PDGFRB: variants seen among roughly 807,000 people sequenced by gnomAD.
The protein encoded by PDGFRB is platelet derived growth factor receptor beta, also known as platelet-derived growth factor receptor beta.
In PDGFRB, 42 loss-of-function variants were observed where a neutral mutation model predicts 120.2. The ratio of observed to expected loss-of-function variants is 0.35; its 90% CI spans 0.27 to 0.45. PDGFRB has a LOEUF of 0.45. Ranked by LOEUF, PDGFRB falls within the 20% of genes least tolerant of loss-of-function variation. PDGFRB has a pLI of 1.00. For synonymous variants in PDGFRB, 586 were observed against 606.8 expected, an observed-to-expected ratio of 0.97 and a Z score of 0.50; for missense variants, 1,149 against 1,476.3, an observed-to-expected ratio of 0.78 and a Z score of 3.63.
At chr5:150,124,526 G>C (rs2113895538) in intron 13 of PDGFRB, 166 bp from the exon 14 acceptor site, 1 of 633,032 alleles carries the variant, frequency 1.6e-6, no homozygotes, top group East Asian at 2.7e-5. Context: ...GCCAGGGTAG[G>C]GGGAAGCAGG....
chr5:150,134,249 A>G lies in PDGFRB; in HGVS notation c.632-241T>C, dbSNP rs928809961. On this transcript the variant is annotated intron_variant, in intron 4 of 22. Transcript: ENST00000261799. The stretch of plus-strand genomic sequence containing the variant: ...ATGGAGCTGACGTTCTAGAAGGGAT[A>G]ACAGTCTGGAAATCAAAGTACCCTC... The G allele has an allele frequency of 4.8e-5, 27 of 565,474 alleles. No individual in the cohort carries two copies. In the Admixed American group the frequency reaches 5.7e-4, roughly 12 times the overall value. 35.0% of individuals were successfully genotyped at this position (565,474 alleles called of 1,614,324 possible).
intron 9 of PDGFRB, 127 bp downstream of exon 9, chr5:150,130,411 TG>T: frequency 1.2e-6 from 1 of 855,328 alleles, no homozygotes; most frequent in Non-Finnish European, 1.9e-6. Context: ...GGTGGTGACC[TG>T]GCCTCCTAGG....
At chr5:150,143,714 G>C (rs1760841646) in intron 1 of PDGFRB, among the ~76,000 whole-genome samples, 1 of 152,186 alleles carries the variant, frequency 6.6e-6, no homozygotes, top group Non-Finnish European at 1.5e-5. Context: ...AGCCAGAGAA[G>C]AGAGCAGGAT....
rs1760083650 is a variant in PDGFRB at position 150,120,095 on chromosome 5, G to A, written c.2615C>T (p.Pro872Leu). The change falls in exon 19 of 23, where the codon CCG becomes CTG. Residue 872 changes from proline to leucine, a missense_variant. This residue lies in a region of PDGFRB where 68 missense variants were observed against 153.3 expected (regional missense o/e 0.44). Coordinates refer to ENST00000261799, the MANE Select transcript of PDGFRB (RefSeq NM_002609.4). This position sits in a 1 kb window ranked among gnomAD's most constrained non-coding sequence, Gnocchi z 4.3. ...GTAGAGGCTGTTGAAGATGCTCTCC[G>A]GAGCCATCCACTTTAAAGGCAAAAA... ...STFLPLKWMAPESIFNSLYTT... is the reference protein window; with the variant it reads ...STFLPLKWMALESIFNSLYTT... The A allele has an allele frequency of 3.8e-6, 6 of 1,598,336 alleles. No individual in the cohort carries two copies. The highest frequency in any genetic ancestry group is 1.7e-5 in the Admixed American group (1 of 59,988).
chr5:150,127,555 G>T (rs1046620498), intron 10 of PDGFRB, among the ~76,000 whole-genome samples: 1 of 152,214 alleles, frequency 6.6e-6, no homozygotes, highest in Non-Finnish European at 1.5e-5. Flanking sequence ...TTGGATGGAG[G>T]CTGGGTGCAG....
Position 150,131,998 on chromosome 5 carries a change from G to C in PDGFRB, c.1224C>G (p.Ser408=). ...CATCACCATTGATCTGTAGCTGGAAGGAGAGCTGGACCTCAGCATCCTCAT... is the reference window on the plus strand; with the variant it reads ...CATCACCATTGATCTGTAGCTGGAACGAGAGCTGGACCTCAGCATCCTCAT... ...AFHEDAEVQL[S]FQLQINVPVR... is the part of the protein sequence containing the mutation. Residue 408 remains serine (S), a synonymous_variant, in exon 8 of 23, where the codon TCC becomes TCG. Coordinates refer to ENST00000261799, the MANE Select transcript of PDGFRB (RefSeq NM_002609.4). 1 of 1,589,550 alleles carries C rather than the reference G, an allele frequency of 6.3e-7. No individual in the cohort carries two copies.
chr5:150,115,832 T>C lies in PDGFRB; in HGVS notation c.3252A>G (p.Pro1084=), dbSNP rs246388. The C allele has an allele frequency of 0.4, 645,374 of 1,611,204 alleles. 134,319 individuals carry two copies. The highest frequency in any genetic ancestry group is 0.45 in the Middle Eastern group (2,681 of 5,906). ...PQLELQVEPE[P]ELEQLPDSGC... ...CCGAATCCGGCAACTGTTCCAGCTC[T>C]GGCTCCGGCTCCACCTGGAGCTCAA... is the stretch of plus-strand genomic sequence containing the variant. The change falls in exon 23 of 23, where the codon CCA becomes CCG. Residue 1084 remains proline, a synonymous_variant. Transcript: ENST00000261799.
chr5:150,144,724 G>T (rs1760874460), intron 1 of PDGFRB, among the ~76,000 whole-genome samples: 1 of 152,130 alleles, frequency 6.6e-6, no homozygotes, highest in African/African-American at 2.4e-5. Context: ...AGGGGGCCTG[G>T]GTCCCCAGGA....
chr5:150,134,922 G>A lies in PDGFRB; in HGVS notation c.459C>T (p.Asp153=), dbSNP rs772473894. The change falls in exon 4 of 23, where the codon GAC becomes GAT. Residue 153 remains aspartate (D), a synonymous_variant. Coordinates refer to ENST00000261799, the MANE Select transcript of PDGFRB (RefSeq NM_002609.4). ...TEITIPCRVT[D]PQLVVTLHEK... Reference sequence around the variant, plus strand: ...CGTGCAGTGTCACCACCAGCTGTGGGTCTGTTACTCGGCATGGAATGGTGA... The same window carrying A: ...CGTGCAGTGTCACCACCAGCTGTGGATCTGTTACTCGGCATGGAATGGTGA... 1.2e-6 allele frequency: 2 copies of A among 1,613,674 alleles called. No individual in the cohort carries two copies. Among genetic ancestry groups the A allele is most frequent in the South Asian group, 2.2e-5 (2 of 91,078 alleles).
In PDGFRB at chr5:150,121,215, C is replaced by T. The variant is rs755218503; in HGVS notation, c.2452G>A (p.Ala818Thr). The change falls in exon 17 of 23, where the codon GCC becomes ACC. Residue 818 changes from alanine (A) to threonine (T), a missense_variant. Ala to Thr is a moderately conservative substitution (Grantham distance 58). Coordinates refer to ENST00000261799, the MANE Select transcript of PDGFRB (RefSeq NM_002609.4). The surrounding 1 kb of genome is among the most constrained non-coding windows in gnomAD (Gnocchi z 4.1). The part of the protein sequence containing the change: ...YQVANGMEFL[A>T]SKNCVHRDLA... The stretch of plus-strand genomic sequence containing the variant: ...AACACCACACGTACGTTCTTGGAGG[C>T]CAGAAACTCCATGCCATTGGCCACC... The T allele has an allele frequency of 1.3e-6, 2 of 1,555,996 alleles. No individual in the cohort carries two copies. The highest frequency in any genetic ancestry group is 1.8e-6 in the Non-Finnish European group (2 of 1,126,976).
At chr5:150,122,311 T>C (rs1403578804) in intron 15 of PDGFRB, 1 of 410,818 alleles carries the variant, frequency 2.4e-6, no homozygotes, top group Non-Finnish European at 4.4e-6. Context: ...AAGACGGGTG[T>C]GTTCAGAGGC....
intron 20 of PDGFRB, among the ~76,000 whole-genome samples, 180 bp from the exon 21 acceptor site, chr5:150,119,032 G>A (rs911966450): frequency 2.0e-5 from 3 of 152,172 alleles, no homozygotes; most frequent in East Asian, 1.9e-4. Flanking sequence ...GGAGGCCCTC[G>A]CAGAGCCCCC....
intron 1 of PDGFRB, among the ~76,000 whole-genome samples, chr5:150,137,636 T>C (rs1580812877): frequency 6.6e-6 from 1 of 152,212 alleles, no homozygotes; most frequent in South Asian, 2.1e-4. Flanking sequence ...ACACCTTTAC[T>C]CAGCCCAGAG....
chr5:150,118,732 C>A lies in PDGFRB; in HGVS notation c.2904+15G>T, dbSNP rs202149971. 3 of 1,520,118 alleles carry A rather than the reference C, an allele frequency of 2.0e-6. No individual in the cohort carries two copies. The highest frequency in any genetic ancestry group is 2.2e-5 in the East Asian group (1 of 44,476). The allele number at this position is 1,520,118 out of a possible 1,614,324, so 94.2% of individuals were successfully genotyped here. On this transcript the variant is annotated intron_variant, in intron 21 of 22. Transcript: ENST00000261799. ...AGAGCTCTCCGTGCTCCACCCCTACCCTGCCTCAACATACCTTTTTGTAAC... is the reference window on the plus strand; with the variant it reads ...AGAGCTCTCCGTGCTCCACCCCTACACTGCCTCAACATACCTTTTTGTAAC...
intron 1 of PDGFRB, among the ~76,000 whole-genome samples, chr5:150,152,355 G>C (rs1034488250): frequency 1.3e-5 from 2 of 152,166 alleles, no homozygotes; most frequent in African/African-American, 4.8e-5. Flanking sequence ...GAACGAGTTG[G>C]TTCCTGTTAT....
At chr5:150,151,845 G>A (rs1230051800) in intron 1 of PDGFRB, among the ~76,000 whole-genome samples, 7 of 135,610 alleles carry the variant, frequency 5.2e-5, no homozygotes, top group African/African-American at 2.1e-4. Context: ...CTGGGCAACA[G>A]AGTGAGACTC....
intron 1 of PDGFRB, among the ~76,000 whole-genome samples, chr5:150,140,732 G>C (rs1304725462): frequency 6.6e-6 from 1 of 151,510 alleles, no homozygotes; most frequent in African/African-American, 2.4e-5. Context: ...AAGCAGAGTG[G>C]GGACCCCAAG....
Position 150,115,948 on chromosome 5 carries a change from T to G in PDGFRB, c.3138-2A>C. 1 of 1,559,394 alleles carries G rather than the reference T, an allele frequency of 6.4e-7. No homozygotes were observed. Among genetic ancestry groups the G allele is most frequent in the African/African-American group, 1.4e-5 (1 of 73,368 alleles). On this transcript the variant is annotated splice_acceptor_variant, in intron 22 of 22. Coordinates refer to ENST00000261799, the MANE Select transcript of PDGFRB (RefSeq NM_002609.4). LOFTEE classifies it high-confidence loss of function. ...GTGTTGACTTCATTCAGGGTGGAGC[T>G]AGAGGAAAGAGGCAGTGAGTGAGGG...
Position 150,129,976 on chromosome 5 carries a change from G to A in PDGFRB, c.1368-8C>T. 1 of 1,611,668 alleles carries A rather than the reference G, an allele frequency of 6.2e-7. No homozygotes were observed. Among genetic ancestry groups the A allele is most frequent in the Non-Finnish European group, 8.5e-7 (1 of 1,178,512 alleles). On this transcript the variant is annotated splice_polypyrimidine_tract_variant and splice_region_variant and intron_variant, in intron 9 of 22. Transcript: ENST00000261799. ...GGCAGCTCACGTGGACACCTGCCAG[G>A]AGAGCCGGTAGGGTTGGCTGCCAGC...
Sources: gnomAD v4.1 joint callset for allele counts (sites outside exome capture counted in the v4.1 genomes callset) on GRCh38, gnomAD v4.1.1 for gene constraint, gnomAD v4.1.1 regional missense constraint, Gnocchi (gnomAD v3.1) non-coding constraint, MANE v1.5 for transcripts, NCBI Gene and HGNC (gene_info 2026-07-23, HGNC 2026-07-21) for gene names.